The following CSMD1 variants were observed in gnomAD, a reference collection of about 807,000 sequenced individuals.
CSMD1 encodes the protein CUB and sushi domain-containing protein 1.
In CSMD1, 213 loss-of-function variants were observed where a neutral mutation model predicts 417.5. The ratio of observed to expected loss-of-function variants is 0.51; its 90% CI spans 0.46 to 0.57. CSMD1 has a LOEUF of 0.57. Among genes scored for constraint, CSMD1 ranks in the 20% least tolerant of loss-of-function variants. CSMD1 has a pLI of 0.00. For synonymous variants in CSMD1, 2,862 were observed against 1,736.8 expected (o/e 1.65, Z -16.11); for missense variants, 6,923 against 4,529.7 (o/e 1.53, Z -15.17).
At chr8:3,703,318 G>C (rs1405979864) in intron 7 of CSMD1, among the ~76,000 whole-genome samples, 1 of 152,208 alleles carries the variant, frequency 6.6e-6, no homozygotes, top group Non-Finnish European at 1.5e-5. Context: ...GCTGTGTAAA[G>C]AAGCTGATGA....
intron 12 of CSMD1, among the ~76,000 whole-genome samples, chr8:3,411,712 A>G (rs796767497): frequency 1.1e-3 from 131 of 124,246 alleles, no homozygotes; most frequent in East Asian, 8.0e-3. Flanking sequence ...ATATACACGT[A>G]TATATACACG....
chr8:3,488,857 C>A (rs1415458300), intron 11 of CSMD1, among the ~76,000 whole-genome samples: 1 of 152,122 alleles, frequency 6.6e-6, no homozygotes, highest in Non-Finnish European at 1.5e-5. Context: ...TAATTGGGAT[C>A]ATGTGATTCC....
chr8:4,330,654 C>G (rs1234438782), intron 3 of CSMD1, among the ~76,000 whole-genome samples: 2 of 151,878 alleles, frequency 1.3e-5, no homozygotes, highest in African/African-American at 2.4e-5. Flanking sequence ...TTTTCACAAC[C>G]TCTTATGCCT....
intron 3 of CSMD1, among the ~76,000 whole-genome samples, chr8:4,354,622 G>A (rs1431384100): frequency 1.3e-5 from 2 of 151,952 alleles, no homozygotes; most frequent in African/African-American, 4.8e-5. Context: ...GTATAAGAAC[G>A]TGTCTACTCA....
At chr8:3,365,342 G>GTA (rs1186561109) in intron 20 of CSMD1, among the ~76,000 whole-genome samples, 1 of 152,134 alleles carries the variant, frequency 6.6e-6, no homozygotes, top group Non-Finnish European at 1.5e-5. Flanking sequence ...ATTAGAGGGA[G>GTA]TATAAAGTAG....
intron 1 of CSMD1, among the ~76,000 whole-genome samples, chr8:4,834,565 C>T (rs957540516): frequency 1.3e-5 from 2 of 151,242 alleles, no homozygotes; most frequent in African/African-American, 2.4e-5. Flanking sequence ...AAGGGAAGAA[C>T]GAAGTAATAC....
intron 30 of CSMD1, among the ~76,000 whole-genome samples, chr8:3,213,531 G>C (rs558621045): frequency 6.6e-6 from 1 of 152,172 alleles, no homozygotes; most frequent in East Asian, 1.9e-4. Flanking sequence ...GTCTGTCCTT[G>C]AAAGCTGATT....
intron 7 of CSMD1, among the ~76,000 whole-genome samples, chr8:3,619,435 T>C (rs1802309405): frequency 6.7e-6 from 1 of 149,332 alleles, no homozygotes; most frequent in Non-Finnish European, 1.5e-5. Flanking sequence ...ACATGGCCAT[T>C]CAAAGGGTCG....
At chr8:3,733,110 G>A (rs944965318) in intron 6 of CSMD1, among the ~76,000 whole-genome samples, 1 of 150,864 alleles carries the variant, frequency 6.6e-6, no homozygotes, top group Non-Finnish European at 1.5e-5. Flanking sequence ...AGAGGCTAAA[G>A]TGGAAAAGAT....
intron 3 of CSMD1, among the ~76,000 whole-genome samples, chr8:4,257,485 C>G (rs1267080973): frequency 6.6e-6 from 1 of 152,030 alleles, no homozygotes; most frequent in Non-Finnish European, 1.5e-5. Flanking sequence ...GCATATATTT[C>G]TATTAATTTT....
At chr8:3,483,109 A>C (rs1202886669) in intron 11 of CSMD1, among the ~76,000 whole-genome samples, 2 of 152,132 alleles carry the variant, frequency 1.3e-5, no homozygotes, top group Admixed American at 6.5e-5. Flanking sequence ...AACTAGGAGG[A>C]AGAGTGCGAT....
At chr8:3,140,488 G>C (rs1389418327) in intron 41 of CSMD1, among the ~76,000 whole-genome samples, 1 of 152,166 alleles carries the variant, frequency 6.6e-6, no homozygotes, top group African/African-American at 2.4e-5. Flanking sequence ...AATGTCTAGA[G>C]ACATATTGCT....
chr8:3,743,230 T>C (rs1796902155), intron 6 of CSMD1, among the ~76,000 whole-genome samples: 1 of 152,230 alleles, frequency 6.6e-6, no homozygotes, highest in Non-Finnish European at 1.5e-5. Flanking sequence ...TTTGTGGTTT[T>C]ATTTTGCTCA....
rs776091878 is a variant in CSMD1, at chr8:3,336,513, T to TA, written c.3631+6780dup. 5.9e-5 allele frequency among the ~76,000 whole-genome samples: 9 copies of TA among 152,228 alleles called. No homozygotes were observed. In the East Asian group the frequency reaches 1.5e-3, roughly 26 times the overall value. ...ACTATTATTGTCCCTGCTTCACAGA[T>TA]AAAATCAACACTGGGAAAAAGTGTG... On this transcript the variant is annotated intron_variant, in intron 23 of 69. Transcript: ENST00000635120.
At chr8:3,403,776 A>G (rs1161534) in intron 15 of CSMD1, among the ~76,000 whole-genome samples, 126,176 of 152,210 alleles carry the variant, frequency 0.83, 52,604 homozygotes, top group South Asian at 0.87. Flanking sequence ...ACTGTGCCCT[A>G]TCATTAGTAT....
intron 3 of CSMD1, among the ~76,000 whole-genome samples, chr8:4,122,765 C>T (rs538536373): frequency 1.3e-5 from 2 of 152,242 alleles, no homozygotes; most frequent in Admixed American, 1.3e-4. Flanking sequence ...ATTTCTGGCT[C>T]TTATCAATGG....
At chr8:3,109,143 T>C (rs1816341222) in intron 43 of CSMD1, among the ~76,000 whole-genome samples, 1 of 152,178 alleles carries the variant, frequency 6.6e-6, no homozygotes, top group Admixed American at 6.5e-5. Context: ...CACGCACTTG[T>C]AGTCCCAGCT....
intron 2 of CSMD1, among the ~76,000 whole-genome samples, chr8:4,564,220 T>C (rs1335408854): frequency 1.3e-5 from 2 of 152,216 alleles, no homozygotes; most frequent in Non-Finnish European, 2.9e-5. Context: ...CCCCTGGACA[T>C]GCACAAGGAA....
intron 7 of CSMD1, among the ~76,000 whole-genome samples, chr8:3,699,012 G>A (rs576517522): frequency 3.5e-4 from 53 of 152,208 alleles, no homozygotes; most frequent in Non-Finnish European, 3.1e-4. Flanking sequence ...CACCCTCCTT[G>A]TACCCACATC....
Sources: gnomAD v4.1 joint callset for allele counts (sites outside exome capture counted in the v4.1 genomes callset) on GRCh38, gnomAD v4.1.1 for gene constraint, MANE v1.5 for transcripts, NCBI Gene and HGNC (gene_info 2026-07-23, HGNC 2026-07-21) for gene names.